ZFHX3: variants seen among roughly 807,000 people sequenced by gnomAD.
ZFHX3 encodes zinc finger homeobox 3, also known as zinc finger homeobox protein 3.
A neutral mutation model predicts 279.1 loss-of-function variants in ZFHX3; 42 were observed. The observed-to-expected ratio is 0.15, with a 90% CI of 0.12 to 0.19. The LOEUF is 0.19. Ranked by LOEUF, ZFHX3 falls within the 10% of genes least tolerant of loss-of-function variation. ZFHX3 has a pLI of 1.00. For missense variants in ZFHX3, 4,981 were observed against 4,754.0 expected, an observed-to-expected ratio of 1.05 and a Z score of -1.40; for synonymous variants, 2,293 against 1,957.8, an observed-to-expected ratio of 1.17 and a Z score of -4.52.
chr16:73,430,048 G>T (rs2017884658), intron 3 of ZFHX3, among the ~76,000 whole-genome samples: 1 of 151,964 alleles, frequency 6.6e-6, no homozygotes, highest in South Asian at 2.1e-4. Flanking sequence ...ACCACACTTG[G>T]CTAATTAAAA....
intron 1 of ZFHX3, among the ~76,000 whole-genome samples, chr16:73,740,399 C>A (rs1347219454): frequency 1.3e-5 from 2 of 152,078 alleles, no homozygotes; most frequent in African/African-American, 4.8e-5. Flanking sequence ...CTTTAAATTT[C>A]ACTTAAGTCC....
At chr16:73,270,768 A>C (rs1212048921) in intron 4 of ZFHX3, among the ~76,000 whole-genome samples, 2 of 152,110 alleles carry the variant, frequency 1.3e-5, no homozygotes, top group Non-Finnish European at 1.5e-5. Context: ...AGGCGGATTT[A>C]CCTTGACACT....
chr16:73,450,594 A>T (rs2143558139), intron 3 of ZFHX3, among the ~76,000 whole-genome samples: 1 of 152,320 alleles, frequency 6.6e-6, no homozygotes, highest in Admixed American at 6.5e-5. Context: ...CTACATTTTT[A>T]AAAACTCTGC....
intron 2 of ZFHX3, among the ~76,000 whole-genome samples, chr16:73,605,839 G>A (rs1408363940): frequency 6.6e-6 from 1 of 152,042 alleles, no homozygotes; most frequent in East Asian, 1.9e-4. Flanking sequence ...CATTTAAAAT[G>A]TAACCACTTA....
chr16:73,120,986 A>G (rs1012446157), intron 7 of ZFHX3, among the ~76,000 whole-genome samples: 1 of 151,920 alleles, frequency 6.6e-6, no homozygotes, highest in Non-Finnish European at 1.5e-5. Context: ...TTTTACATCT[A>G]TTTATCCGCT....
chr16:73,519,691 G>T (rs1428286471), intron 2 of ZFHX3, among the ~76,000 whole-genome samples: 1 of 152,080 alleles, frequency 6.6e-6, no homozygotes, highest in African/African-American at 2.4e-5. Context: ...AAGGTTGAAG[G>T]TTCCAGAAGG....
chr16:73,062,769 G>A (rs1965701955), upstream of ZFHX3, among the ~76,000 whole-genome samples: 1 of 152,024 alleles, frequency 6.6e-6, no homozygotes, highest in Non-Finnish European at 1.5e-5. Context: ...GGCAGGAGAG[G>A]TTGAAAGGAC....
At chr16:73,239,441 G>A (rs1484978050) in intron 5 of ZFHX3, among the ~76,000 whole-genome samples, 2 of 152,216 alleles carry the variant, frequency 1.3e-5, no homozygotes, top group African/African-American at 4.8e-5. Context: ...GTTACTATTA[G>A]AAAAATGGCC....
exon 1 of ZFHX3, chr16:73,059,535 T>TCTCTCTCTCTCC (rs1324404043): frequency 2.2e-5 from 3 of 139,420 alleles, no homozygotes; most frequent in Non-Finnish European, 4.5e-5. Context: ...TCTCTCTCTC[T>TCTCTCTCTCTCC]CTCTCTCTCT....
At chr16:73,809,710 G>C (rs975129895) in intron 1 of ZFHX3, 1 of 152,180 alleles carries the variant, frequency 6.6e-6, no homozygotes, top group African/African-American at 2.4e-5. Flanking sequence ...AACATGCATG[G>C]AATAAACGGA....
At chr16:72,849,671 A>C (rs1038775927) in intron 4 of ZFHX3, among the ~76,000 whole-genome samples, 1 of 152,080 alleles carries the variant, frequency 6.6e-6, no homozygotes, top group Non-Finnish European at 1.5e-5. Flanking sequence ...CCTCCTAACC[A>C]ATGGCGGATG....
rs562148913 is a variant in ZFHX3 at position 73,017,588 on chromosome 16, A to ACCCAC, written c.-50+30159_-50+30163dup. On this transcript the variant is annotated intron_variant, in intron 1 of 9. Coordinates refer to ENST00000268489, the MANE Select transcript of ZFHX3 (RefSeq NM_006885.4). ...ATAATGCCTTCTCTTCTTCCCCTCC[A>ACCCAC]CCCACCCCTCTCTGGTCTTTAGCAC... Among the ~76,000 whole-genome samples the ACCCAC allele has an allele frequency of 1.5e-3, 233 of 151,676 alleles. 1 individual carries two copies. Among genetic ancestry groups the ACCCAC allele is most frequent in the Middle Eastern group, 0.01 (3 of 294 alleles).
intron 3 of ZFHX3, among the ~76,000 whole-genome samples, chr16:73,386,535 G>A (rs1279425467): frequency 6.6e-6 from 1 of 152,070 alleles, no homozygotes; most frequent in Admixed American, 6.6e-5. Flanking sequence ...CATTAATATT[G>A]TTTTAGCCTC....
intron 5 of ZFHX3, among the ~76,000 whole-genome samples, chr16:73,147,402 A>C (rs531559478): frequency 3.3e-5 from 5 of 151,854 alleles, no homozygotes; most frequent in Non-Finnish European, 7.4e-5. Context: ...AATAAGAATA[A>C]AAAAATTGGG....
chr16:73,539,462 T>A (rs1428704455), intron 2 of ZFHX3, among the ~76,000 whole-genome samples: 48 of 135,602 alleles, frequency 3.5e-4, no homozygotes, highest in South Asian at 3.0e-3. Context: ...TTTTTTTTTT[T>A]ATAAGGCCTC....
At position 72,927,748 on chromosome 16, in the gene ZFHX3, C is replaced by T. The variant is rs1013535215; in HGVS notation, c.3216+22721G>A. On this transcript the variant is annotated intron_variant, in intron 3 of 9. Coordinates refer to ENST00000268489, the MANE Select transcript of ZFHX3 (RefSeq NM_006885.4). ...ACTCCCAGCATTGTGCTCCCTCCAG[C>T]GCGCTCTCCCCCACCAAAAACCCTG... Among the ~76,000 whole-genome samples, 5 of 152,144 alleles carry T rather than the reference C, an allele frequency of 3.3e-5. No homozygotes were observed. In the East Asian group the frequency reaches 7.8e-4, roughly 24 times the overall value.
At chr16:73,451,869 A>G (rs1302996156) in intron 3 of ZFHX3, among the ~76,000 whole-genome samples, 2 of 152,266 alleles carry the variant, frequency 1.3e-5, no homozygotes, top group Admixed American at 6.5e-5. Context: ...TGATAAACAC[A>G]ACACCGTCAT....
At chr16:73,524,485 C>T (rs1356971194) in intron 2 of ZFHX3, among the ~76,000 whole-genome samples, 4 of 152,164 alleles carry the variant, frequency 2.6e-5, no homozygotes, top group Non-Finnish European at 5.9e-5. Flanking sequence ...TCTTTGTGGC[C>T]CTTCTGTCCC....
intron 4 of ZFHX3, among the ~76,000 whole-genome samples, chr16:72,830,481 G>T (rs1465968982): frequency 6.6e-6 from 1 of 152,248 alleles, no homozygotes; most frequent in Non-Finnish European, 1.5e-5. Context: ...GGCAGTGGTG[G>T]GAAGTGAGAT....
Sources: gnomAD v4.1 joint callset for allele counts (sites outside exome capture counted in the v4.1 genomes callset) on GRCh38, gnomAD v4.1.1 for gene constraint, MANE v1.5 for transcripts, NCBI Gene and HGNC (gene_info 2026-07-23, HGNC 2026-07-21) for gene names.